Variants in PLD1 observed in about 807,000 individuals in gnomAD.
PLD1 encodes the protein choline phosphatase 1.
In PLD1, 112 loss-of-function variants were observed where a neutral mutation model predicts 137.1. That is an observed-to-expected ratio of 0.82 (90% CI 0.70 to 0.96). The LOEUF is 0.96. Ranked by LOEUF, PLD1 falls within the 40% of genes least tolerant of loss-of-function variation. The pLI, the probability that PLD1 is intolerant of heterozygous loss-of-function variation, is 0.00. For synonymous variants in PLD1, 431 were observed against 454.7 expected, an observed-to-expected ratio of 0.95 and a Z score of 0.66; for missense variants, 1,321 against 1,342.0, an observed-to-expected ratio of 0.98 and a Z score of 0.24.
At chr3:171,751,801 C>G (rs1385174311) in intron 1 of PLD1, among the ~76,000 whole-genome samples, 1 of 152,126 alleles carries the variant, frequency 6.6e-6, no homozygotes, top group East Asian at 1.9e-4. Flanking sequence ...GAGATCGAGA[C>G]CATCCTGGCT....
intron 11 of PLD1, among the ~76,000 whole-genome samples, chr3:171,705,290 A>G (rs1309223025): frequency 6.6e-6 from 1 of 152,236 alleles, no homozygotes; most frequent in African/African-American, 2.4e-5. Context: ...ATATAAAACT[A>G]CAGATTCAGG....
At chr3:171,723,407 T>C (rs1350745263) in intron 8 of PLD1, among the ~76,000 whole-genome samples, 1 of 152,226 alleles carries the variant, frequency 6.6e-6, no homozygotes, top group Non-Finnish European at 1.5e-5. Flanking sequence ...AAATCTTGGC[T>C]ATTGTGAATA....
chr3:171,602,135 G>A lies in PLD1; in HGVS notation c.*943C>T, dbSNP rs1310532136. 6.6e-6 allele frequency: 1 copy of A among 152,154 alleles called. No individual in the cohort carries two copies. The highest frequency in any genetic ancestry group is 2.4e-5 in the African/African-American group (1 of 41,432). 9.4% of individuals were successfully genotyped at this position (152,154 alleles called of 1,614,324 possible). ...TTCACTAGTTTGATTTTGAAATGTA[G>A]AGATCAAATTTCAATCAACCCAGCA... On this transcript the variant is annotated 3_prime_UTR_variant, in exon 27 of 27. Coordinates refer to ENST00000351298, the MANE Select transcript of PLD1 (RefSeq NM_002662.5).
At chr3:171,674,723 A>G (rs1713155520) in intron 18 of PLD1, 110 bp from the exon 19 acceptor site, 1 of 562,308 alleles carries the variant, frequency 1.8e-6, no homozygotes, top group Non-Finnish European at 3.2e-6. Flanking sequence ...CACGCCTGTA[A>G]TCCCAGCACT....
chr3:171,686,699 G>A lies in PLD1; in HGVS notation c.1853C>T (p.Thr618Ile), dbSNP rs370952074. ...AAATTACTTACCAGCATGAGGTCTA[G>A]TGAGTCCTTGCTCAGACTCACTGGA... is the stretch of plus-strand genomic sequence containing the variant. ...HPSSESEQGL[T>I]RPHADTGSIR... is the part of the protein sequence containing the mutation. Residue 618 changes from threonine to isoleucine, a missense_variant, in exon 16 of 27, where the codon ACT (threonine) becomes ATT (isoleucine). Thr to Ile is a moderately conservative substitution (Grantham distance 89). Coordinates refer to ENST00000351298, the MANE Select transcript of PLD1 (RefSeq NM_002662.5). 15 of 1,579,646 alleles carry A rather than the reference G, an allele frequency of 9.5e-6. No homozygotes were observed. The Admixed American group carries it at 1.2e-4, about 13-fold the overall frequency.
intron 1 of PLD1, among the ~76,000 whole-genome samples, chr3:171,787,123 T>C (rs1723038895): frequency 6.6e-6 from 1 of 152,188 alleles, no homozygotes; most frequent in Non-Finnish European, 1.5e-5. Flanking sequence ...GTCCCTGCCC[T>C]GGAAAGCTTA....
At chr3:171,629,545 G>C (rs1338607730) in intron 23 of PLD1, among the ~76,000 whole-genome samples, 1 of 152,034 alleles carries the variant, frequency 6.6e-6, no homozygotes, top group Non-Finnish European at 1.5e-5. Flanking sequence ...AAAAGAGCCC[G>C]CATTGCCAAG....
chr3:171,683,759 A>T (rs906019089), intron 16 of PLD1, among the ~76,000 whole-genome samples: 7 of 152,312 alleles, frequency 4.6e-5, no homozygotes, highest in African/African-American at 1.7e-4. Context: ...CCAACTAGTT[A>T]ATTGCACTTC....
At chr3:171,735,808 T>C (rs1205906145) in intron 3 of PLD1, among the ~76,000 whole-genome samples, 171 bp from the exon 4 acceptor site, 3 of 152,218 alleles carry the variant, frequency 2.0e-5, no homozygotes, top group African/African-American at 7.2e-5. Context: ...GCAGAAATAA[T>C]ATTCTCTAAA....
At chr3:171,784,890 T>C (rs1420675119) in intron 1 of PLD1, among the ~76,000 whole-genome samples, 1 of 152,208 alleles carries the variant, frequency 6.6e-6, no homozygotes, top group African/African-American at 2.4e-5. Context: ...ATATTTACCA[T>C]TGTAGTGGAC....
intron 1 of PLD1, among the ~76,000 whole-genome samples, chr3:171,773,462 C>T (rs1465914202): frequency 1.3e-5 from 2 of 151,886 alleles, no homozygotes; most frequent in African/African-American, 2.4e-5. Context: ...ATTAGCCGGG[C>T]GTGGAGTAGT....
chr3:171,772,228 G>A (rs1246671587), intron 1 of PLD1, among the ~76,000 whole-genome samples: 1 of 152,058 alleles, frequency 6.6e-6, no homozygotes. Context: ...AATTCTAATG[G>A]CTTGTTGCCA....
chr3:171,735,396 A>T, intron 4 of PLD1, 96 bp downstream of exon 4: 1 of 1,024,546 alleles, frequency 9.8e-7, no homozygotes, highest in Non-Finnish European at 1.5e-6. Flanking sequence ...TCAGCCTCCC[A>T]AAGTGGTGAG....
At chr3:171,784,275 A>G (rs915727743) in intron 1 of PLD1, among the ~76,000 whole-genome samples, 1 of 151,898 alleles carries the variant, frequency 6.6e-6, no homozygotes, top group Non-Finnish European at 1.5e-5. Context: ...CAAATACCAC[A>G]TTTGGAGGAT....
intron 1 of PLD1, among the ~76,000 whole-genome samples, chr3:171,746,916 A>G (rs781715393): frequency 3.9e-5 from 6 of 152,186 alleles, no homozygotes; most frequent in African/African-American, 7.2e-5. Context: ...TTTGCAATAA[A>G]TCTTGCTGCT....
intron 1 of PLD1, among the ~76,000 whole-genome samples, chr3:171,749,403 G>A (rs1192143363): frequency 6.6e-6 from 1 of 152,088 alleles, no homozygotes; most frequent in Non-Finnish European, 1.5e-5. Flanking sequence ...TATTTAAAAG[G>A]GACTAAATAA....
chr3:171,635,430 A>G (rs1735024764), intron 23 of PLD1, among the ~76,000 whole-genome samples: 1 of 151,476 alleles, frequency 6.6e-6, no homozygotes, highest in African/African-American at 2.4e-5. Context: ...CCAATACTTT[A>G]TTATTATTAT....
intron 11 of PLD1, among the ~76,000 whole-genome samples, chr3:171,706,584 A>G (rs916442264): frequency 6.6e-6 from 1 of 151,796 alleles, no homozygotes; most frequent in Admixed American, 6.6e-5. Flanking sequence ...TTTCTTTTGT[A>G]TTCTCCTGTT....
chr3:171,794,777 A>G (rs1052295215), intron 1 of PLD1, among the ~76,000 whole-genome samples: 1 of 152,226 alleles, frequency 6.6e-6, no homozygotes, highest in African/African-American at 2.4e-5. Context: ...CTTTCAAATT[A>G]TACAATAATA....
Sources: gnomAD v4.1 joint callset for allele counts (sites outside exome capture counted in the v4.1 genomes callset) on GRCh38, gnomAD v4.1.1 for gene constraint, MANE v1.5 for transcripts, NCBI Gene and HGNC (gene_info 2026-07-23, HGNC 2026-07-21) for gene names.